The following RUNX1T1 variants were observed in gnomAD, a reference collection of about 807,000 sequenced individuals.
RUNX1T1 encodes protein CBFA2T1.
A neutral mutation model predicts 62.8 loss-of-function variants in RUNX1T1; 4 were observed. That is an observed-to-expected ratio of 0.06 (90% CI 0.03 to 0.15). The LOEUF is 0.15. Among genes scored for constraint, RUNX1T1 ranks in the 10% least tolerant of loss-of-function variants. The pLI is 1.00. For synonymous variants in RUNX1T1, 291 were observed against 286.0 expected (o/e 1.02, Z -0.18); for missense variants, 508 against 754.3 (o/e 0.67, Z 3.82).
At chr8:91,975,437 A>AAATTATCT (rs1214956050) in intron 9 of RUNX1T1, among the ~76,000 whole-genome samples, 2 of 152,188 alleles carry the variant, frequency 1.3e-5, no homozygotes, top group Admixed American at 1.3e-4. Flanking sequence ...TGTAACCAAA[A>AAATTATCT]AATTATCTGA....
At chr8:92,095,547 G>C (rs759252376) in intron 1 of RUNX1T1, 1 of 1,465,860 alleles carries the variant, frequency 6.8e-7, no homozygotes, top group Non-Finnish European at 9.0e-7. Flanking sequence ...TATCAGCAGG[G>C]CCCAGATGGA....
chr8:92,046,556 G>T (rs892859963), intron 1 of RUNX1T1, among the ~76,000 whole-genome samples: 2 of 151,962 alleles, frequency 1.3e-5, no homozygotes, highest in African/African-American at 4.8e-5. Flanking sequence ...TAGAGACAGG[G>T]TTTCACCATT....
chr8:91,981,606 G>A (rs568535530), intron 8 of RUNX1T1, among the ~76,000 whole-genome samples: 3 of 151,204 alleles, frequency 2.0e-5, no homozygotes, highest in East Asian at 2.0e-4. Context: ...TAGCATAGAC[G>A]GGGTTTCACC....
At chr8:92,099,053 T>G (rs1163850406) in intron 1 of RUNX1T1, among the ~76,000 whole-genome samples, 1 of 152,232 alleles carries the variant, frequency 6.6e-6, no homozygotes, top group Non-Finnish European at 1.5e-5. Context: ...ATGTTCCCAC[T>G]GACAGATAAT....
chr8:91,984,176 A>C (rs1816043489), intron 8 of RUNX1T1, among the ~76,000 whole-genome samples: 1 of 152,210 alleles, frequency 6.6e-6, no homozygotes, highest in African/African-American at 2.4e-5. Context: ...ATACTTTTAA[A>C]AAGGAGTTTT....
chr8:92,069,693 C>A (rs1186212048), intron 2 of RUNX1T1, among the ~76,000 whole-genome samples: 3 of 152,086 alleles, frequency 2.0e-5, no homozygotes, highest in Admixed American at 6.5e-5. Flanking sequence ...TAATGTTTTA[C>A]AGTGACCCTA....
At chr8:92,016,062 G>A (rs182832485) in intron 2 of RUNX1T1, among the ~76,000 whole-genome samples, 145 of 152,296 alleles carry the variant, frequency 9.5e-4, no homozygotes, top group African/African-American at 3.2e-3. Context: ...TAGTCCCAAA[G>A]ATCTACTTTT....
intron 1 of RUNX1T1, among the ~76,000 whole-genome samples, chr8:92,051,242 A>G (rs974952037): frequency 6.6e-6 from 1 of 152,142 alleles, no homozygotes; most frequent in Non-Finnish European, 1.5e-5. Context: ...GTGTGAGCTC[A>G]ATAAATAAAT....
Position 92,095,236 on chromosome 8 carries a change from AT to A in RUNX1T1, c.-86+4343del, listed in dbSNP as rs1464457874. On this transcript the variant is annotated intron_variant, in intron 1 of 11. Transcript: ENST00000265814. ...TCCTGGTCTTATCGACTTCTGAATC[AT>A]TTGGAAAGGGAGAGAGGGAGAGAGA... The A allele has an allele frequency of 2.0e-6, 3 of 1,530,822 alleles. No individual in the cohort carries two copies. The African/African-American group carries it at 4.1e-5, about 21-fold the overall frequency. The allele number at this position is 1,530,822 out of a possible 1,614,324, so 94.8% of individuals were successfully genotyped here. A position where few individuals can be genotyped will look rare whatever the true frequency, so the allele number is the denominator to read the frequency against.
chr8:91,959,927 A>AATGAGCATCGGTTAATGAGGTC, exon 11 of RUNX1T1: 1 of 399,046 alleles, frequency 2.5e-6, no homozygotes. Flanking sequence ...CATCTAGTTT[A>AATGAGCATCGGTTAATGAGGTC]AAATCCCAGC....
Position 91,995,639 on chromosome 8 carries a change from TG to T in RUNX1T1, c.660-3751del, listed in dbSNP as rs546886964. 5.3e-5 allele frequency among the ~76,000 whole-genome samples: 8 copies of T among 152,060 alleles called. 1 individual carries two copies. The South Asian group carries it at 1.7e-3, about 32-fold the overall frequency. On this transcript the variant is annotated intron_variant, in intron 5 of 10. Coordinates refer to ENST00000396218, the Ensembl canonical transcript of RUNX1T1. ...CCTGTCTCTACAAAAATCAAAAAGT[TG>T]GCTGGACATGGTGACATACACCCAT...
chr8:92,014,328 C>CATATAA (rs1822581050), intron 3 of RUNX1T1, among the ~76,000 whole-genome samples: 1 of 151,668 alleles, frequency 6.6e-6, no homozygotes, highest in Non-Finnish European at 1.5e-5. Flanking sequence ...ATGTTTATGG[C>CATATAA]CAATATAACA....
intron 1 of RUNX1T1, among the ~76,000 whole-genome samples, chr8:92,034,713 C>T (rs1826942511): frequency 1.3e-5 from 2 of 149,592 alleles, no homozygotes; most frequent in South Asian, 4.2e-4. Flanking sequence ...CATATATATA[C>T]ACATATATAT....
chr8:92,039,622 G>C (rs760346457), intron 1 of RUNX1T1, among the ~76,000 whole-genome samples: 4 of 152,112 alleles, frequency 2.6e-5, no homozygotes, highest in South Asian at 2.1e-4. Flanking sequence ...GATCCACCTT[G>C]CCATTGAGTA....
intron 5 of RUNX1T1, among the ~76,000 whole-genome samples, chr8:91,993,002 G>A (rs1443684106): frequency 1.3e-5 from 2 of 152,072 alleles, no homozygotes; most frequent in Non-Finnish European, 2.9e-5. Flanking sequence ...ACTAATCACT[G>A]CTCCCAAACT....
At chr8:92,066,207 GATGA>G (rs1832846741), upstream of RUNX1T1, among the ~76,000 whole-genome samples, 1 of 152,148 alleles carries the variant, frequency 6.6e-6, no homozygotes, top group Non-Finnish European at 1.5e-5. Flanking sequence ...AACGAGCATT[GATGA>G]ATGGTCATTA....
At chr8:91,994,259 AT>A (rs1263232058) in intron 5 of RUNX1T1, among the ~76,000 whole-genome samples, 3 of 152,218 alleles carry the variant, frequency 2.0e-5, no homozygotes, top group African/African-American at 7.2e-5. Context: ...TAGCTCAGAC[AT>A]TACCTAATTG....
chr8:91,994,546 T>A, intron 5 of RUNX1T1: 1 of 491,146 alleles, frequency 2.0e-6, no homozygotes, highest in South Asian at 1.6e-5. Context: ...AGACCTGAGA[T>A]CTAGTCCTGG....
At chr8:91,964,932 C>G (rs1166507892) in intron 10 of RUNX1T1, among the ~76,000 whole-genome samples, 2 of 152,148 alleles carry the variant, frequency 1.3e-5, no homozygotes, top group East Asian at 3.9e-4. Context: ...ACTTACTTAA[C>G]CCTTGGAGCA....
Sources: allele counts gnomAD v4.1 joint callset (sites outside exome capture counted in the v4.1 genomes callset), GRCh38; gene constraint gnomAD v4.1.1; transcripts MANE v1.5; gene names NCBI Gene and HGNC (gene_info 2026-07-23, HGNC 2026-07-21).